The following TEAD1 variants were observed in gnomAD, a reference collection of about 807,000 sequenced individuals.
The protein encoded by TEAD1 is transcriptional enhancer factor TEF-1.
TEAD1 carries 9 observed loss-of-function variants against 54.9 expected under a neutral mutation model. That is an observed-to-expected ratio of 0.16 (90% CI 0.10 to 0.29). The LOEUF (loss-of-function observed/expected upper bound fraction) is 0.29, where lower values mean the gene tolerates loss of function less well. Ranked by LOEUF, TEAD1 falls within the 10% of genes least tolerant of loss-of-function variation. The probability of loss-of-function intolerance (pLI) is 1.00; values close to 1 mark genes in which losing one functional copy is unlikely to be tolerated. For synonymous variants in TEAD1, 200 were observed against 187.8 expected (o/e 1.07, Z -0.53); for missense variants, 387 against 535.9 (o/e 0.72, Z 2.74).
At chr11:12,811,390 A>G (rs1946297489) in intron 3 of TEAD1, among the ~76,000 whole-genome samples, 1 of 152,212 alleles carries the variant, frequency 6.6e-6, no homozygotes, top group Admixed American at 6.5e-5. Context: ...AAGCTGTTGG[A>G]ACAAGACTTC....
rs367668145 is a variant in TEAD1 at position 12,864,832 on chromosome 11, C to G, written c.268-6C>G. 9.9e-6 allele frequency: 16 copies of G among 1,613,986 alleles called. No homozygotes were observed. Among genetic ancestry groups the G allele is most frequent in the Non-Finnish European group, 1.4e-5 (16 of 1,180,014 alleles). On this transcript the variant is annotated splice_polypyrimidine_tract_variant and splice_region_variant and intron_variant, in intron 4 of 12. Transcript: ENST00000527636. The stretch of plus-strand genomic sequence containing the variant: ...CTTTGTTTTCCTCCCTTCCCCTACC[C>G]TGCAGGTGTCTAGTCACATTCAGGT...
chr11:12,835,517 C>T (rs12361858), intron 3 of TEAD1, among the ~76,000 whole-genome samples: 76,671 of 148,656 alleles, frequency 0.52, 21,136 homozygotes, highest in East Asian at 0.76. Flanking sequence ...GTAGGGGTTT[C>T]GCAATGTTGA....
intron 3 of TEAD1, among the ~76,000 whole-genome samples, chr11:12,854,231 A>G (rs1365943256): frequency 6.6e-6 from 1 of 152,004 alleles, no homozygotes; most frequent in East Asian, 1.9e-4. Context: ...CTTACACCTA[A>G]TCTTAGCCTG....
chr11:12,787,471 G>A (rs1321832374), intron 3 of TEAD1, among the ~76,000 whole-genome samples: 1 of 152,194 alleles, frequency 6.6e-6, no homozygotes, highest in Non-Finnish European at 1.5e-5. Flanking sequence ...GAGCTTTAGA[G>A]CCTTCTGAGA....
At chr11:12,927,153 G>A (rs1225622981) in intron 11 of TEAD1, among the ~76,000 whole-genome samples, 1 of 152,148 alleles carries the variant, frequency 6.6e-6, no homozygotes, top group African/African-American at 2.4e-5. Flanking sequence ...TAAAATCACA[G>A]GAATTTTTAT....
intron 3 of TEAD1, among the ~76,000 whole-genome samples, chr11:12,851,872 C>T (rs1284075399): frequency 6.6e-6 from 1 of 151,920 alleles, no homozygotes; most frequent in Non-Finnish European, 1.5e-5. Flanking sequence ...GAGAACCAGA[C>T]AGGTGCTTTA....
intron 2 of TEAD1, among the ~76,000 whole-genome samples, chr11:12,757,553 C>T (rs139345399): frequency 3.3e-5 from 5 of 152,156 alleles, no homozygotes; most frequent in Non-Finnish European, 5.9e-5. Flanking sequence ...CCCAACTCTT[C>T]GTTATTTACA....
chr11:12,691,544 C>T (rs1376555098), intron 2 of TEAD1, among the ~76,000 whole-genome samples: 1 of 152,160 alleles, frequency 6.6e-6, no homozygotes, highest in Admixed American at 6.5e-5. Flanking sequence ...CTTGCTCATG[C>T]CTGGCCTCTT....
intron 2 of TEAD1, among the ~76,000 whole-genome samples, chr11:12,755,381 A>G (rs1047446461): frequency 6.6e-6 from 1 of 152,216 alleles, no homozygotes; most frequent in African/African-American, 2.4e-5. Flanking sequence ...CGTACCAACT[A>G]AGAAAGTGAT....
chr11:12,707,260 G>A (rs1943837637), intron 2 of TEAD1, among the ~76,000 whole-genome samples: 1 of 151,748 alleles, frequency 6.6e-6, no homozygotes, highest in African/African-American at 2.4e-5. Flanking sequence ...CTAGACCCGA[G>A]ACCTGGGATC....
intron 3 of TEAD1, 44 bp from the exon 4 acceptor site, chr11:12,862,206 G>A (rs529039438): frequency 6.5e-7 from 1 of 1,530,844 alleles, no homozygotes; most frequent in South Asian, 1.1e-5. Flanking sequence ...TGTTGGTTTG[G>A]TGTTTTGGTA....
At chr11:12,910,101 G>T (rs553739032) in intron 10 of TEAD1, among the ~76,000 whole-genome samples, 1 of 152,310 alleles carries the variant, frequency 6.6e-6, no homozygotes, top group East Asian at 1.9e-4. Flanking sequence ...TGCAATTAAT[G>T]TAACAAAATG....
chr11:12,923,508 C>CT (rs947043227), intron 10 of TEAD1, among the ~76,000 whole-genome samples: 13 of 152,174 alleles, frequency 8.5e-5, no homozygotes, highest in African/African-American at 3.1e-4. Flanking sequence ...TCAGCTTTTG[C>CT]TTTTTTTATC....
intron 3 of TEAD1, among the ~76,000 whole-genome samples, chr11:12,783,133 T>TGTGTGTGTGTGTGCGTGC (rs1198828193): frequency 2.3e-4 from 33 of 145,570 alleles, no homozygotes; most frequent in African/African-American, 8.9e-4. Flanking sequence ...TGTGTGTGTG[T>TGTGTGTGTGTGTGCGTGC]GCGCGCACTT....
chr11:12,805,618 A>C (rs991551496), intron 3 of TEAD1, among the ~76,000 whole-genome samples: 4 of 152,202 alleles, frequency 2.6e-5, no homozygotes, highest in Non-Finnish European at 5.9e-5. Context: ...TTGATCCCAG[A>C]TTGCTATGAG....
At chr11:12,785,793 G>A (rs1945665265) in intron 3 of TEAD1, among the ~76,000 whole-genome samples, 1 of 152,186 alleles carries the variant, frequency 6.6e-6, no homozygotes, top group South Asian at 2.1e-4. Flanking sequence ...GAATAACATC[G>A]TGAGCATATC....
chr11:12,694,010 C>T (rs1360743950), intron 2 of TEAD1, among the ~76,000 whole-genome samples: 1 of 152,194 alleles, frequency 6.6e-6, no homozygotes, highest in African/African-American at 2.4e-5. Context: ...TTTACTGAAA[C>T]TGTTTATAAT....
intron 2 of TEAD1, among the ~76,000 whole-genome samples, chr11:12,728,338 C>T (rs1221000468): frequency 2.0e-5 from 3 of 152,100 alleles, no homozygotes; most frequent in African/African-American, 4.8e-5. Context: ...TGGCAACATT[C>T]GATATTAATG....
intron 9 of TEAD1, among the ~76,000 whole-genome samples, chr11:12,894,864 A>T (rs528248533): frequency 6.6e-6 from 1 of 152,208 alleles, no homozygotes; most frequent in Non-Finnish European, 1.5e-5. Context: ...GTACAGTGTT[A>T]TGTGTTTTCC....
Sources: allele counts gnomAD v4.1 joint callset (sites outside exome capture counted in the v4.1 genomes callset), GRCh38; gene constraint gnomAD v4.1.1; transcripts MANE v1.5; gene names NCBI Gene and HGNC (gene_info 2026-07-23, HGNC 2026-07-21).